Variants in DBN1 observed in about 807,000 individuals in gnomAD.
The protein encoded by DBN1 is drebrin 1, also known as drebrin.
Under a neutral mutation model 83.5 loss-of-function variants are expected in DBN1, and 21 were observed. The observed-to-expected ratio is 0.25, with a 90% CI of 0.18 to 0.36. DBN1 has a LOEUF of 0.36. DBN1 is among the 10% of genes least tolerant of loss of function. DBN1 has a pLI of 1.00. For synonymous variants in DBN1, 381 were observed against 384.9 expected (o/e 0.99, Z 0.12); for missense variants, 874 against 935.7 (o/e 0.93, Z 0.86).
chr5:177,468,985 C>T, intron 1 of DBN1, 86 bp from the exon 2 acceptor site: 1 of 789,550 alleles, frequency 1.3e-6, no homozygotes, highest in Non-Finnish European at 1.8e-6. Flanking sequence ...GGGAGAGGGA[C>T]ATGGAGTGGG....
chr5:177,461,205 T>G (rs1439758010), intron 8 of DBN1, among the ~76,000 whole-genome samples: 1 of 131,474 alleles, frequency 7.6e-6, no homozygotes, highest in Non-Finnish European at 1.6e-5. Flanking sequence ...TTCACGCCAT[T>G]CTCCTGCCTC....
At chr5:177,469,764 T>A (rs975706592) in intron 1 of DBN1, among the ~76,000 whole-genome samples, 3 of 152,126 alleles carry the variant, frequency 2.0e-5, no homozygotes, top group Non-Finnish European at 2.9e-5. Flanking sequence ...CAGAGATGCC[T>A]CCTCCATCAC....
intron 8 of DBN1, among the ~76,000 whole-genome samples, chr5:177,465,933 T>TGTGGCAG (rs59613477): frequency 0.064 from 9,701 of 151,824 alleles, 719 homozygotes; most frequent in African/African-American, 0.18. Context: ...ATGTTCTTTA[T>TGTGGCAG]GTGGCAGGTG....
At chr5:177,461,092 TTC>T (rs1561680333) in intron 8 of DBN1, among the ~76,000 whole-genome samples, 6 of 128,664 alleles carry the variant, frequency 4.7e-5, no homozygotes, top group African/African-American at 1.8e-4. Context: ...CCTTCTGGCC[TTC>T]TTTTTTTTTT....
At position 177,460,469 on chromosome 5, in the gene DBN1, GC is replaced by G; in HGVS notation, c.917del (p.Gly306AlafsTer21). The G allele has an allele frequency of 6.2e-7, 1 of 1,614,124 alleles. No homozygotes were observed. Among genetic ancestry groups the G allele is most frequent in the Non-Finnish European group, 8.5e-7 (1 of 1,179,988 alleles). The stretch of plus-strand genomic sequence containing the variant: ...TGAAGGGCGAGGGTACATCACAGCT[GC>G]CCGCAGAGGCCGATGCGACTCTTTC... Reference protein sequence around the residue: ...QQERVASASAGSCDVPSPFNH... With the variant: ...QQERVASASAXSCDVPSPFNH... On this transcript the variant is annotated frameshift_variant, in exon 10 of 15. Coordinates refer to ENST00000393565, the MANE Select transcript of DBN1 (RefSeq NM_001363541.2). LOFTEE classifies it high-confidence loss of function.
rs371705857 is a variant in DBN1, at chr5:177,467,078, C to G, written c.556-16G>C. The G allele has an allele frequency of 1.9e-6, 3 of 1,613,540 alleles. No homozygotes were observed. The highest frequency in any genetic ancestry group is 1.3e-5 in the African/African-American group (1 of 75,062). ...CTTCTTCCTTCTGCAAGCCCCGGTG[C>G]GAACAAGGGTAGGCCCCGAGCCTAG... On this transcript the variant is annotated splice_polypyrimidine_tract_variant and intron_variant, in intron 6 of 14. Coordinates refer to ENST00000393565, the MANE Select transcript of DBN1 (RefSeq NM_001363541.2). This position sits in a 1 kb window ranked among gnomAD's most constrained non-coding sequence, Gnocchi z 9.1.
intron 8 of DBN1, among the ~76,000 whole-genome samples, chr5:177,463,150 C>T (rs1016222137): frequency 6.6e-6 from 1 of 152,196 alleles, no homozygotes; most frequent in South Asian, 2.1e-4. Flanking sequence ...CATTCTCCTG[C>T]CTCAGCCTCC....
At chr5:177,465,162 T>A (rs539871859) in intron 8 of DBN1, among the ~76,000 whole-genome samples, 127 of 152,214 alleles carry the variant, frequency 8.3e-4, no homozygotes, top group Non-Finnish European at 1.6e-3. Context: ...CAAAAAAATT[T>A]AAAAAATAAA....
intron 2 of DBN1, 95 bp from the exon 3 acceptor site, chr5:177,468,315 C>A: frequency 1.9e-6 from 2 of 1,056,910 alleles, no homozygotes; most frequent in Admixed American, 1.8e-5. Flanking sequence ...CAGGCCTCCA[C>A]AGGCACCCCC....
rs1223649294 is a variant in DBN1, at chr5:177,473,459, G to A, written c.63C>T (p.Ile21=). The A allele has an allele frequency of 2.8e-6, 4 of 1,436,788 alleles. No homozygotes were observed. The highest frequency in any genetic ancestry group is 2.8e-6 in the Non-Finnish European group (3 of 1,088,694). 89.0% of individuals were successfully genotyped at this position (1,436,788 alleles called of 1,614,324 possible). The part of the protein sequence containing the change: ...LELLAAYEEV[I]REESAADWAL... Reference sequence around the variant, plus strand: ...ACCAGTCGGCCGCGCTCTCCTCTCGGATCACCTCCTCGTAAGCCGCCAGCA... The same window carrying A: ...ACCAGTCGGCCGCGCTCTCCTCTCGAATCACCTCCTCGTAAGCCGCCAGCA... Residue 21 remains isoleucine (I), a synonymous_variant, in exon 1 of 15, where the codon ATC becomes ATT. Transcript: ENST00000393565.
At chr5:177,457,920 A>AG in intron 13 of DBN1, 138 bp downstream of exon 13, 2 of 763,618 alleles carry the variant, frequency 2.6e-6, no homozygotes, top group Non-Finnish European at 3.9e-6. Flanking sequence ...CCAGGGAGGG[A>AG]GGGTGGGATG....
In DBN1 at chr5:177,459,106, G is replaced by A. The variant is rs2127393494; in HGVS notation, c.1256C>T (p.Pro419Leu). ...QPPPLPPPPP[P>L]AQETQEPSPI... Reference sequence around the variant, plus strand: ...TAGCATCCCTCTCTCACCTTGGGCTGGTGGGGGTGGCGGTGGCAGTGGTGG... The same window carrying A: ...TAGCATCCCTCTCTCACCTTGGGCTAGTGGGGGTGGCGGTGGCAGTGGTGG... Residue 419 changes from proline (P) to leucine (L), a missense_variant, in exon 12 of 15, where the codon CCA becomes CTA. By Grantham distance (98) the Pro-to-Leu change is moderately conservative. Around this residue, in one of 4 missense-constraint regions of DBN1, gnomAD observed 725 missense variants for 719.7 expected, o/e 1.01. Transcript: ENST00000393565. 1 of 1,608,558 alleles carries A rather than the reference G, an allele frequency of 6.2e-7. No homozygotes were observed. The highest frequency in any genetic ancestry group is 8.5e-7 in the Non-Finnish European group (1 of 1,177,584).
intron 1 of DBN1, among the ~76,000 whole-genome samples, chr5:177,469,334 A>G (rs1040063257): frequency 6.6e-6 from 1 of 151,858 alleles, no homozygotes; most frequent in Non-Finnish European, 1.5e-5. Flanking sequence ...GGGAGGGAGG[A>G]GGAGAAGAGA....
At position 177,467,585 on chromosome 5, in the gene DBN1, CTA is replaced by C; in HGVS notation, c.371_372del (p.Ile124ArgfsTer11). The C allele has an allele frequency of 6.4e-7, 1 of 1,568,842 alleles. No individual in the cohort carries two copies. The highest frequency in any genetic ancestry group is 8.6e-7 in the Non-Finnish European group (1 of 1,156,846). ...AGCCGCTGCCCGATGGCACCCGCGTCTATGTCTTCCACGCTGCTGGCGTTCAC... is the reference window on the plus strand; with the variant it reads ...AGCCGCTGCCCGATGGCACCCGCGTCTGTCTTCCACGCTGCTGGCGTTCAC... ...VIVNASSVEDIDAGAIGQRLS... is the reference protein window; with the variant it reads ...VIVNASSVEDXDAGAIGQRLS... On this transcript the variant is annotated frameshift_variant, in exon 5 of 15. Transcript: ENST00000393565. LOFTEE classifies it high-confidence loss of function. This position sits in a 1 kb window ranked among gnomAD's most constrained non-coding sequence, Gnocchi z 9.1.
Position 177,473,526 on chromosome 5 carries a change from C to T in DBN1, c.-5G>A, listed in dbSNP as rs1758000875. On this transcript the variant is annotated 5_prime_UTR_variant, in exon 1 of 15. Transcript: ENST00000393565. ...GCTGAAGCTGACGCCGGCCATGCTTCGGGCCGGACCGGGCCGAACGGACAG... is the reference window on the plus strand; with the variant it reads ...GCTGAAGCTGACGCCGGCCATGCTTTGGGCCGGACCGGGCCGAACGGACAG... The T allele has an allele frequency of 3.6e-6, 5 of 1,381,580 alleles. No individual in the cohort carries two copies. The East Asian group carries it at 1.3e-4, about 35-fold the overall frequency. The allele number at this position is 1,381,580 out of a possible 1,614,324, so 85.6% of individuals were successfully genotyped here. A position where few individuals can be genotyped will look rare whatever the true frequency, so the allele number is the denominator to read the frequency against.
At position 177,464,134 on chromosome 5, in the gene DBN1, AAAAT is replaced by A. The variant is rs769085289; in HGVS notation, c.771+2634_771+2637del. Among the ~76,000 whole-genome samples, 712 of 151,020 alleles carry A rather than the reference AAAAT, an allele frequency of 4.7e-3. 5 individuals carry two copies. The highest frequency in any genetic ancestry group is 0.015 in the African/African-American group (615 of 41,114). On this transcript the variant is annotated intron_variant, in intron 8 of 14. Coordinates refer to ENST00000393565, the MANE Select transcript of DBN1 (RefSeq NM_001363541.2). ...TCATCTTAAAAAAGATAAATAAATA[AAAAT>A]AAATAAATAAATAAATAAACTTTAT...
Position 177,473,425 on chromosome 5 carries a change from G to A in DBN1, c.86+11C>T, listed in dbSNP as rs984785655. 1.4e-5 allele frequency: 20 copies of A among 1,380,710 alleles called. 1 individual carries two copies. In the African/African-American group the frequency reaches 2.7e-4, roughly 19 times the overall value. 85.5% of individuals were successfully genotyped at this position (1,380,710 alleles called of 1,614,324 possible). A position where few individuals can be genotyped will look rare whatever the true frequency, so the allele number is the denominator to read the frequency against. Reference sequence around the variant, plus strand: ...GGACAAAGGGGCCGGGGGCGGGGGCGGGGGGCTCACCAGTCGGCCGCGCTC... The same window carrying A: ...GGACAAAGGGGCCGGGGGCGGGGGCAGGGGGCTCACCAGTCGGCCGCGCTC... On this transcript the variant is annotated intron_variant, in intron 1 of 14. Transcript: ENST00000393565.
intron 8 of DBN1, among the ~76,000 whole-genome samples, chr5:177,463,131 G>A (rs1757166776): frequency 1.3e-5 from 2 of 152,114 alleles, no homozygotes; most frequent in Admixed American, 6.5e-5. Flanking sequence ...CCGCCTCCCG[G>A]GTTCACGCCA....
chr5:177,473,396 G>T, intron 1 of DBN1, 40 bp downstream of exon 1: 1 of 1,204,466 alleles, frequency 8.3e-7, no homozygotes, highest in Non-Finnish European at 1.1e-6. Context: ...CGGCGGCGGC[G>T]CGGGGACAAA....
Sources: allele counts gnomAD v4.1 joint callset (sites outside exome capture counted in the v4.1 genomes callset), GRCh38; gene constraint gnomAD v4.1.1; regional missense constraint gnomAD v4.1.1; non-coding constraint Gnocchi (gnomAD v3.1); transcripts MANE v1.5; gene names NCBI Gene and HGNC (gene_info 2026-07-23, HGNC 2026-07-21).